JAK1: variants seen among roughly 807,000 people sequenced by gnomAD.
JAK1 encodes the protein Janus kinase 1, also known as tyrosine-protein kinase JAK1.
A neutral mutation model predicts 136.6 loss-of-function variants in JAK1; 16 were observed. The ratio of observed to expected loss-of-function variants is 0.12; its 90% CI spans 0.08 to 0.18. The LOEUF (loss-of-function observed/expected upper bound fraction) is 0.18. Ranked by LOEUF, JAK1 falls within the 10% of genes least tolerant of loss-of-function variation. The pLI, the probability that JAK1 is intolerant of heterozygous loss-of-function variation, is 1.00. For missense variants in JAK1, 859 were observed against 1,450.1 expected, an observed-to-expected ratio of 0.59 and a Z score of 6.62; for synonymous variants, 492 against 519.5, an observed-to-expected ratio of 0.95 and a Z score of 0.72.
intron 1 of JAK1, among the ~76,000 whole-genome samples, chr1:65,060,985 C>T (rs1647767782): frequency 1.3e-5 from 2 of 152,128 alleles, no homozygotes; most frequent in African/African-American, 4.8e-5. Context: ...TCTTCCAGGA[C>T]CCAAACTGAT....
chr1:64,985,865 G>T (rs1646593739), intron 2 of JAK1: 1 of 621,598 alleles, frequency 1.6e-6, no homozygotes, highest in Non-Finnish European at 2.9e-6. Context: ...CAGAAAAGGA[G>T]CTAATCATAC....
chr1:65,046,668 A>AG (rs1362957059), intron 1 of JAK1, among the ~76,000 whole-genome samples: 17 of 151,810 alleles, frequency 1.1e-4, no homozygotes, highest in Admixed American at 1.1e-3. Context: ...GGGGGTAGGT[A>AG]GGCTGGTTCA....
At chr1:65,032,056 C>T (rs1034286654) in intron 2 of JAK1, among the ~76,000 whole-genome samples, 2 of 151,346 alleles carry the variant, frequency 1.3e-5, no homozygotes, top group Non-Finnish European at 2.9e-5. Flanking sequence ...ACCTCTGCCT[C>T]CTGGGTTCAA....
intron 17 of JAK1, among the ~76,000 whole-genome samples, chr1:64,842,802 A>G (rs1654987771): frequency 6.6e-6 from 1 of 152,224 alleles, no homozygotes; most frequent in Non-Finnish European, 1.5e-5. Context: ...AAAATTCCAA[A>G]TAGCAGATCT....
At chr1:64,862,168 T>C (rs538016447) in intron 8 of JAK1, among the ~76,000 whole-genome samples, 11 of 152,296 alleles carry the variant, frequency 7.2e-5, no homozygotes, top group African/African-American at 2.4e-4. Context: ...CATGGAGCAG[T>C]GGTCAACCCT....
At chr1:65,037,054 C>A (rs1647081017) in intron 2 of JAK1, among the ~76,000 whole-genome samples, 2 of 152,114 alleles carry the variant, frequency 1.3e-5, no homozygotes, top group Admixed American at 1.3e-4. Context: ...GGCGTGGTAG[C>A]ACATACCTAT....
intron 1 of JAK1, among the ~76,000 whole-genome samples, chr1:64,940,805 T>A (rs1448511113): frequency 6.6e-6 from 1 of 152,210 alleles, no homozygotes; most frequent in Admixed American, 6.5e-5. Context: ...GAAAATAAAC[T>A]GTATTCAGTC....
At position 64,834,584 on chromosome 1, in the gene JAK1, C is replaced by A. The variant is rs944229309; in HGVS notation, c.3443G>T (p.Gly1148Val). ...TTCTTATTTTAAAAGTGCTTCAAATCCTTCAATAAGGTTCTGAAAGCTTGT... is the reference window on the plus strand; with the variant it reads ...TTCTTATTTTAAAAGTGCTTCAAATACTTCAATAAGGTTCTGAAAGCTTGT... The part of the protein sequence containing the change: ...NRTSFQNLIE[G>V]FEALLK Residue 1148 changes from glycine to valine, a missense_variant, in exon 25 of 25, where the codon GGA becomes GTA. By Grantham distance (109) the Gly-to-Val change is moderately radical. This residue lies in a region of JAK1 where 53 missense variants were observed against 64.8 expected (regional missense o/e 0.82). Transcript: ENST00000342505. 6.2e-7 allele frequency: 1 copy of A among 1,608,858 alleles called. No individual in the cohort carries two copies. Among genetic ancestry groups the A allele is most frequent in the South Asian group, 1.1e-5 (1 of 90,694 alleles).
intron 17 of JAK1, among the ~76,000 whole-genome samples, chr1:64,842,530 CTT>C (rs1160650795): frequency 2.6e-5 from 4 of 152,108 alleles, no homozygotes; most frequent in Admixed American, 6.5e-5. Context: ...GAGAATTGCT[CTT>C]GTCCTTGAGT....
chr1:64,915,918 C>A (rs1557689175), intron 1 of JAK1, among the ~76,000 whole-genome samples: 1 of 152,150 alleles, frequency 6.6e-6, no homozygotes, highest in Non-Finnish European at 1.5e-5. Context: ...CTCTTCCCTG[C>A]AGCTCCAGAA....
intron 1 of JAK1, among the ~76,000 whole-genome samples, chr1:64,908,802 T>C (rs1645233338): frequency 6.6e-6 from 1 of 152,060 alleles, no homozygotes; most frequent in Admixed American, 6.6e-5. Context: ...TTTATGAATA[T>C]AACCTCTATG....
intron 2 of JAK1, among the ~76,000 whole-genome samples, chr1:65,009,710 C>A (rs1646832864): frequency 6.6e-6 from 1 of 152,168 alleles, no homozygotes; most frequent in African/African-American, 2.4e-5. Context: ...CTCACAAAGA[C>A]CCTATCAGAT....
chr1:64,977,384 T>G (rs1038767747), intron 2 of JAK1, among the ~76,000 whole-genome samples: 9 of 152,124 alleles, frequency 5.9e-5, no homozygotes, highest in Admixed American at 5.2e-4. Context: ...ACCCCTGGGC[T>G]CAAGCAGTCC....
At position 64,858,898 on chromosome 1, in the gene JAK1, A is replaced by T. The variant is rs1458290493; in HGVS notation, c.1335-1119T>A. 3.3e-5 allele frequency among the ~76,000 whole-genome samples: 5 copies of T among 152,260 alleles called. No individual in the cohort carries two copies. The East Asian group carries it at 7.7e-4, about 23-fold the overall frequency. ...AGGAAGACTTCACGGATAAGGTGAT[A>T]TCTGACTAGCACCTGAAGGAAGTGG... On this transcript the variant is annotated intron_variant, in intron 9 of 24. Transcript: ENST00000342505.
intron 12 of JAK1, 95 bp from the exon 13 acceptor site, chr1:64,847,770 T>G (rs773336703): frequency 2.1e-6 from 3 of 1,408,794 alleles, no homozygotes; most frequent in Non-Finnish European, 2.9e-6. Flanking sequence ...GGACTATCAA[T>G]GGGATGGGGC....
At chr1:64,839,451 A>G (rs1472081259) in intron 20 of JAK1, 152 bp downstream of exon 20, 4 of 626,656 alleles carry the variant, frequency 6.4e-6, no homozygotes, top group East Asian at 2.9e-5. Context: ...GGGATTTGAC[A>G]TATGACTTGG....
chr1:64,914,368 T>C (rs1378388944), intron 1 of JAK1, among the ~76,000 whole-genome samples: 2 of 152,296 alleles, frequency 1.3e-5, no homozygotes, highest in Non-Finnish European at 1.5e-5. Context: ...AGTTAAACAA[T>C]GGAATGCTTC....
chr1:65,029,890 C>T (rs548734925), intron 2 of JAK1, among the ~76,000 whole-genome samples: 59 of 152,120 alleles, frequency 3.9e-4, no homozygotes, highest in African/African-American at 1.4e-3. Context: ...GTACAACAAA[C>T]CCCACAACAC....
chr1:65,005,164 T>C (rs981864168), intron 2 of JAK1, among the ~76,000 whole-genome samples: 8 of 152,038 alleles, frequency 5.3e-5, no homozygotes, highest in Non-Finnish European at 1.0e-4. Context: ...GCCAACATGA[T>C]GAAGCCCCAT....
Sources: gnomAD v4.1 joint callset for allele counts (sites outside exome capture counted in the v4.1 genomes callset) on GRCh38, gnomAD v4.1.1 for gene constraint, gnomAD v4.1.1 regional missense constraint, MANE v1.5 for transcripts, NCBI Gene and HGNC (gene_info 2026-07-23, HGNC 2026-07-21) for gene names.